C12orf75: variants seen among roughly 807,000 people sequenced by gnomAD.
C12orf75 encodes chromosome 12 open reading frame 75, also known as overexpressed in colon carcinoma 1 protein.
In C12orf75, 4 loss-of-function variants were observed where a neutral mutation model predicts 11.4. The observed-to-expected ratio is 0.35, with a 90% CI of 0.17 to 0.80. The LOEUF is 0.80. C12orf75 is among the 30% of genes least tolerant of loss of function. C12orf75 has a pLI of 0.52. For missense variants in C12orf75, 89 were observed against 80.4 expected (o/e 1.11, Z -0.41); for synonymous variants, 30 against 30.0 (o/e 1.00, Z 0.00).
At chr12:105,350,284 A>T (rs957229299) in intron 2 of C12orf75, among the ~76,000 whole-genome samples, 1 of 152,238 alleles carries the variant, frequency 6.6e-6, no homozygotes, top group Admixed American at 6.5e-5. Flanking sequence ...AGGAATAGGA[A>T]GAGCATTTAT....
chr12:105,362,619 A>G (rs948527267), intron 2 of C12orf75, among the ~76,000 whole-genome samples: 3 of 148,780 alleles, frequency 2.0e-5, no homozygotes, highest in Non-Finnish European at 3.0e-5. Context: ...GTGAGCTGAG[A>G]TCGCGCCACT....
chr12:105,330,733 C>A lies in C12orf75; in HGVS notation c.-159C>A, dbSNP rs1025081854. 3 of 636,588 alleles carry A rather than the reference C, an allele frequency of 4.7e-6. No homozygotes were observed. The highest frequency in any genetic ancestry group is 4.3e-6 in the Non-Finnish European group (2 of 467,434). 39.4% of individuals were successfully genotyped at this position (636,588 alleles called of 1,614,324 possible). Reference sequence around the variant, plus strand: ...CCGCAGCCCGCTGCGCCCCGGGCCGCGTCTCCCGGCGGTGGGAGGGGGCGG... The same window carrying A: ...CCGCAGCCCGCTGCGCCCCGGGCCGAGTCTCCCGGCGGTGGGAGGGGGCGG... On this transcript the variant is annotated 5_prime_UTR_variant, in exon 1 of 6. Transcript: ENST00000443585.
chr12:105,351,043 C>G (rs950354304), intron 2 of C12orf75, among the ~76,000 whole-genome samples: 1 of 151,890 alleles, frequency 6.6e-6, no homozygotes, highest in Non-Finnish European at 1.5e-5. Flanking sequence ...GTGGATTTAC[C>G]TGGAAAAAGT....
In C12orf75 at chr12:105,364,218, C is replaced by T. The variant is rs146731591; in HGVS notation, c.72-1589C>T. Among the ~76,000 whole-genome samples, 47 of 152,302 alleles carry T rather than the reference C, an allele frequency of 3.1e-4. No individual in the cohort carries two copies. The East Asian group carries it at 8.5e-3, about 27-fold the overall frequency. On this transcript the variant is annotated intron_variant, in intron 2 of 5. Transcript: ENST00000443585. The stretch of plus-strand genomic sequence containing the variant: ...TTTGTCCTCATCATTTCTCCATTAT[C>T]TATGCTAAAGGATTATAAATCCATT...
In C12orf75 at chr12:105,333,542, AAG is replaced by A. The variant is rs527759682; in HGVS notation, c.46+2609_46+2610del. Among the ~76,000 whole-genome samples, 12 of 152,314 alleles carry A rather than the reference AAG, an allele frequency of 7.9e-5. No individual in the cohort carries two copies. The South Asian group carries it at 2.1e-3, about 26-fold the overall frequency. On this transcript the variant is annotated intron_variant, in intron 1 of 5. Transcript: ENST00000443585. ...ACTTTTCAGAAAAAAAAAATGTACA[AAG>A]AGATTGTAGAAAGGGTGCTGAACTT...
intron 1 of C12orf75, among the ~76,000 whole-genome samples, chr12:105,337,573 G>C (rs1013713926): frequency 6.6e-6 from 1 of 152,116 alleles, no homozygotes; most frequent in Non-Finnish European, 1.5e-5. Flanking sequence ...TCCCAGGAAA[G>C]GGTTGGTTCT....
chr12:105,348,673 GT>G, intron 2 of C12orf75, 47 bp downstream of exon 2: 1 of 1,391,346 alleles, frequency 7.2e-7, no homozygotes, highest in Non-Finnish European at 9.9e-7. Flanking sequence ...TTCTGAGGAA[GT>G]TGCTGTTTTT....
At chr12:105,347,197 AC>A (rs1284991152) in intron 1 of C12orf75, among the ~76,000 whole-genome samples, 2 of 152,228 alleles carry the variant, frequency 1.3e-5, no homozygotes, top group Admixed American at 6.5e-5. Context: ...GGGGATGGAG[AC>A]CAGAAGAGAT....
At chr12:105,365,951 GT>G in intron 3 of C12orf75, 109 bp downstream of exon 3, 1 of 786,998 alleles carries the variant, frequency 1.3e-6, no homozygotes, top group East Asian at 2.7e-5. Flanking sequence ...CAGGAAAACT[GT>G]TGGCACAGAG....
chr12:105,353,233 C>G (rs1892736694), intron 2 of C12orf75, among the ~76,000 whole-genome samples: 1 of 152,262 alleles, frequency 6.6e-6, no homozygotes, highest in Non-Finnish European at 1.5e-5. Flanking sequence ...ATTCTCTTCT[C>G]TGCTTTCGTC....
intron 1 of C12orf75, among the ~76,000 whole-genome samples, chr12:105,343,682 C>CT (rs1892601205): frequency 6.6e-6 from 1 of 150,992 alleles, no homozygotes; most frequent in African/African-American, 2.4e-5. Context: ...CCTAGGTACT[C>CT]TGATAGTTTT....
intron 2 of C12orf75, among the ~76,000 whole-genome samples, chr12:105,364,185 T>C (rs1415567934): frequency 6.6e-6 from 1 of 152,262 alleles, no homozygotes; most frequent in Non-Finnish European, 1.5e-5. Context: ...GAACTTACCT[T>C]GAACGAGTTT....
At chr12:105,361,280 T>C (rs569758046) in intron 2 of C12orf75, among the ~76,000 whole-genome samples, 56 of 152,268 alleles carry the variant, frequency 3.7e-4, no homozygotes, top group African/African-American at 1.3e-3. Flanking sequence ...GTAAAATCTT[T>C]CAAAATAAAG....
chr12:105,364,043 C>T (rs978994860), intron 2 of C12orf75, among the ~76,000 whole-genome samples: 3 of 152,078 alleles, frequency 2.0e-5, no homozygotes, highest in Admixed American at 1.3e-4. Context: ...TTAAAATAAA[C>T]GGATATGTAA....
At position 105,351,143 on chromosome 12, in the gene C12orf75, C is replaced by T. The variant is rs150825606; in HGVS notation, c.71+2517C>T. On this transcript the variant is annotated intron_variant, in intron 2 of 5. Coordinates refer to ENST00000443585, the MANE Select transcript of C12orf75 (RefSeq NM_001145199.2). ...AAGTGGAAGCTATAGATTTATAAAT[C>T]TTGACTGTAATATTAGGTGATGCCA... Among the ~76,000 whole-genome samples the T allele has an allele frequency of 2.8e-3, 429 of 152,216 alleles. 2 individuals carry two copies. Among genetic ancestry groups the T allele is most frequent in the African/African-American group, 8.5e-3 (353 of 41,536 alleles).
At chr12:105,332,137 C>T (rs749938187) in intron 1 of C12orf75, among the ~76,000 whole-genome samples, 3 of 152,270 alleles carry the variant, frequency 2.0e-5, no homozygotes, top group Non-Finnish European at 2.9e-5. Context: ...TGAGGGCAGA[C>T]GGGCTTCAAA....
intron 2 of C12orf75, among the ~76,000 whole-genome samples, chr12:105,362,298 T>G (rs1236155464): frequency 1.5e-5 from 2 of 135,844 alleles, no homozygotes; most frequent in East Asian, 4.5e-4. Flanking sequence ...GGCAGGAGAA[T>G]GGCGTGAACC....
chr12:105,364,822 G>A (rs1323548028), intron 2 of C12orf75, among the ~76,000 whole-genome samples: 1 of 149,998 alleles, frequency 6.7e-6, no homozygotes, highest in Non-Finnish European at 1.5e-5. Flanking sequence ...AGGAATTCTG[G>A]TAGAATATGG....
At chr12:105,351,655 A>G (rs1178591903) in intron 2 of C12orf75, among the ~76,000 whole-genome samples, 1 of 152,060 alleles carries the variant, frequency 6.6e-6, no homozygotes, top group South Asian at 2.1e-4. Context: ...AAGGAGAAAA[A>G]TGGCAACCCA....
Sources: gnomAD v4.1 joint callset for allele counts (sites outside exome capture counted in the v4.1 genomes callset) on GRCh38, gnomAD v4.1.1 for gene constraint, MANE v1.5 for transcripts, NCBI Gene and HGNC (gene_info 2026-07-23, HGNC 2026-07-21) for gene names.